The following CFAP299 variants were observed in gnomAD, a reference collection of about 807,000 sequenced individuals.
The protein encoded by CFAP299 is cilia and flagella associated protein 299.
A neutral mutation model predicts 27.0 loss-of-function variants in CFAP299; 21 were observed. The observed-to-expected ratio is 0.78, with a 90% CI of 0.55 to 1.12. The LOEUF is 1.12. CFAP299 is among the 50% of genes most tolerant of loss of function. The pLI, the probability that CFAP299 is intolerant of heterozygous loss-of-function variation, is 0.00. For synonymous variants in CFAP299, 104 were observed against 98.1 expected, an observed-to-expected ratio of 1.06 and a Z score of -0.36; for missense variants, 310 against 276.6, an observed-to-expected ratio of 1.12 and a Z score of -0.86.
chr4:80,518,586 A>G (rs1407342920), intron 2 of CFAP299, among the ~76,000 whole-genome samples: 1 of 152,178 alleles, frequency 6.6e-6, no homozygotes, highest in Non-Finnish European at 1.5e-5. Flanking sequence ...CATCGTTTTA[A>G]GAGGGCAGAA....
chr4:80,422,629 AC>A (rs1313720904), intron 2 of CFAP299, among the ~76,000 whole-genome samples: 1 of 152,146 alleles, frequency 6.6e-6, no homozygotes, highest in Non-Finnish European at 1.5e-5. Context: ...GTAAGTATAT[AC>A]TCATAGTGAG....
At chr4:80,848,755 G>A (rs1354262331) in intron 3 of CFAP299, among the ~76,000 whole-genome samples, 2 of 152,050 alleles carry the variant, frequency 1.3e-5, no homozygotes, top group South Asian at 2.1e-4. Context: ...CAGCCTAGGT[G>A]ACAGAGCAAT....
chr4:80,814,568 C>T (rs1282418512), intron 3 of CFAP299, among the ~76,000 whole-genome samples: 1 of 151,820 alleles, frequency 6.6e-6, no homozygotes, highest in African/African-American at 2.4e-5. Flanking sequence ...TTCTAAGACT[C>T]CGTAATTTGG....
At chr4:80,857,507 G>A (rs1374095366) in intron 3 of CFAP299, among the ~76,000 whole-genome samples, 2 of 152,146 alleles carry the variant, frequency 1.3e-5, no homozygotes, top group Non-Finnish European at 2.9e-5. Flanking sequence ...AATGCTTCCA[G>A]TTTTTGCCCA....
chr4:80,708,548 G>A (rs1303421162), intron 3 of CFAP299, among the ~76,000 whole-genome samples: 1 of 152,010 alleles, frequency 6.6e-6, no homozygotes, highest in African/African-American at 2.4e-5. Context: ...TTCTTAGAAG[G>A]TATGCTAAGA....
chr4:80,372,469 C>T (rs901516826), intron 2 of CFAP299, among the ~76,000 whole-genome samples: 13 of 152,088 alleles, frequency 8.5e-5, no homozygotes, highest in Admixed American at 2.6e-4. Context: ...TGGCTAAGGC[C>T]GAAGAGGAGA....
At chr4:80,405,718 G>A (rs998339149) in intron 2 of CFAP299, among the ~76,000 whole-genome samples, 8 of 151,950 alleles carry the variant, frequency 5.3e-5, no homozygotes, top group African/African-American at 1.9e-4. Context: ...ATCTAAATTA[G>A]TAGCAGTGCT....
intron 3 of CFAP299, among the ~76,000 whole-genome samples, chr4:80,661,643 T>G (rs1192158060): frequency 2.0e-5 from 3 of 152,126 alleles, no homozygotes; most frequent in Non-Finnish European, 4.4e-5. Flanking sequence ...GATAATTGCA[T>G]TAACTGCACA....
intron 3 of CFAP299, among the ~76,000 whole-genome samples, chr4:80,817,073 CTTTG>C (rs1729456614): frequency 3.3e-5 from 5 of 152,078 alleles, no homozygotes; most frequent in African/African-American, 1.2e-4. Flanking sequence ...AAATAAGCTG[CTTTG>C]TCCCAGGTTA....
At chr4:80,775,861 C>A (rs1027399380) in intron 3 of CFAP299, among the ~76,000 whole-genome samples, 23 of 152,090 alleles carry the variant, frequency 1.5e-4, no homozygotes, top group Middle Eastern at 3.4e-3. Flanking sequence ...TGGAAATATT[C>A]CAGTAAGTGA....
At chr4:80,844,574 A>G (rs564105703) in intron 3 of CFAP299, among the ~76,000 whole-genome samples, 13 of 152,140 alleles carry the variant, frequency 8.5e-5, no homozygotes, top group South Asian at 2.1e-4. Flanking sequence ...GTCTGTTCAT[A>G]TCCTTCGCCC....
chr4:80,916,956 C>T (rs1003436069), intron 4 of CFAP299, among the ~76,000 whole-genome samples: 8 of 151,608 alleles, frequency 5.3e-5, no homozygotes, highest in Non-Finnish European at 8.8e-5. Context: ...AGGAGTTACT[C>T]AATAGAGGTA....
intron 2 of CFAP299, among the ~76,000 whole-genome samples, chr4:80,400,769 G>A (rs1207382364): frequency 6.6e-6 from 1 of 152,196 alleles, no homozygotes; most frequent in Non-Finnish European, 1.5e-5. Context: ...TTTTGAACTG[G>A]GTAACAGGCA....
chr4:80,843,895 A>G (rs1396384493), intron 3 of CFAP299, among the ~76,000 whole-genome samples: 2 of 150,476 alleles, frequency 1.3e-5, no homozygotes, highest in Admixed American at 6.6e-5. Flanking sequence ...ATATCTCCTA[A>G]TGTATCCCTC....
Position 80,427,926 on chromosome 4 carries a change from G to A in CFAP299, c.242+65042G>A, listed in dbSNP as rs564603398. 5.9e-5 allele frequency among the ~76,000 whole-genome samples: 9 copies of A among 151,942 alleles called. No individual in the cohort carries two copies. In the South Asian group the frequency reaches 1.9e-3, roughly 32 times the overall value. On this transcript the variant is annotated intron_variant, in intron 2 of 5. Coordinates refer to ENST00000358105, the MANE Select transcript of CFAP299 (RefSeq NM_152770.3). ...ATTTTTATCTATTAATTCACAAATG[G>A]TCATTAAATAACTACCATTTGCCAC...
intron 3 of CFAP299, among the ~76,000 whole-genome samples, chr4:80,679,116 C>A (rs567147521): frequency 1.3e-5 from 2 of 152,150 alleles, no homozygotes; most frequent in East Asian, 1.9e-4. Context: ...CTCTTCATCT[C>A]TATAATTTTG....
intron 2 of CFAP299, among the ~76,000 whole-genome samples, chr4:80,551,754 A>ATT (rs552293572): frequency 1.0e-3 from 148 of 143,768 alleles, no homozygotes; most frequent in African/African-American, 3.1e-3. Context: ...TATATCTATG[A>ATT]TTTTTTTTTT....
chr4:80,961,673 T>G (rs1334560825), intron 5 of CFAP299, among the ~76,000 whole-genome samples: 1 of 151,928 alleles, frequency 6.6e-6, no homozygotes, highest in Non-Finnish European at 1.5e-5. Context: ...AGACTGCTTA[T>G]AACTTCAGAT....
At chr4:80,543,031 C>T (rs979904560) in intron 2 of CFAP299, among the ~76,000 whole-genome samples, 8 of 152,134 alleles carry the variant, frequency 5.3e-5, no homozygotes, top group African/African-American at 1.9e-4. Context: ...CTCAAGGTAC[C>T]AGGGGACAAA....
Sources: allele counts gnomAD v4.1 joint callset (sites outside exome capture counted in the v4.1 genomes callset), GRCh38; gene constraint gnomAD v4.1.1; transcripts MANE v1.5; gene names NCBI Gene and HGNC (gene_info 2026-07-23, HGNC 2026-07-21).